The following NOVA1 variants were observed in gnomAD, a reference collection of about 807,000 sequenced individuals.
NOVA1 encodes the protein RNA-binding protein Nova-1.
Under a neutral mutation model 38.0 loss-of-function variants are expected in NOVA1, and 7 were observed. That is an observed-to-expected ratio of 0.18 (90% CI 0.10 to 0.35). The LOEUF is 0.35. NOVA1 is among the 10% of genes least tolerant of loss of function. The pLI is 1.00. For missense variants in NOVA1, 460 were observed against 616.0 expected, an observed-to-expected ratio of 0.75 and a Z score of 2.68; for synonymous variants, 270 against 232.5, an observed-to-expected ratio of 1.16 and a Z score of -1.47.
At chr14:26,561,678 CA>C (rs1891836565) in intron 2 of NOVA1, among the ~76,000 whole-genome samples, 1 of 152,058 alleles carries the variant, frequency 6.6e-6, no homozygotes, top group African/African-American at 2.4e-5. Context: ...TAAAATGACA[CA>C]AATTATAACT....
intron 2 of NOVA1, among the ~76,000 whole-genome samples, chr14:26,555,118 A>G (rs1008267473): frequency 6.6e-6 from 1 of 152,110 alleles, no homozygotes; most frequent in Non-Finnish European, 1.5e-5. Flanking sequence ...CTTGTTTTAT[A>G]GGAACACTTT....
chr14:26,487,692 T>C (rs1434177055), intron 2 of NOVA1, among the ~76,000 whole-genome samples: 1 of 152,152 alleles, frequency 6.6e-6, no homozygotes, highest in Non-Finnish European at 1.5e-5. Context: ...ATCGCATATG[T>C]TTCAGTTGAT....
intron 2 of NOVA1, among the ~76,000 whole-genome samples, chr14:26,590,674 T>C (rs1566564661): frequency 6.6e-6 from 1 of 151,954 alleles, no homozygotes; most frequent in East Asian, 1.9e-4. Context: ...CAGATCATTT[T>C]TCCTCTTGCT....
intron 2 of NOVA1, among the ~76,000 whole-genome samples, chr14:26,533,371 A>T (rs1889856490): frequency 6.6e-6 from 1 of 152,178 alleles, no homozygotes; most frequent in Non-Finnish European, 1.5e-5. Flanking sequence ...CCTTCAGTAA[A>T]GCCCTCCCTA....
intron 2 of NOVA1, among the ~76,000 whole-genome samples, chr14:26,480,564 C>G (rs188131567): frequency 2.0e-5 from 3 of 152,020 alleles, no homozygotes; most frequent in Admixed American, 2.0e-4. Flanking sequence ...ACATTACAGT[C>G]TGAAAATAAT....
At position 26,571,095 on chromosome 14, in the gene NOVA1, G is replaced by C. The variant is rs1892444999; in HGVS notation, c.280+24315C>G. Among the ~76,000 whole-genome samples, 4 of 151,632 alleles carry C rather than the reference G, an allele frequency of 2.6e-5. No homozygotes were observed. The South Asian group carries it at 8.3e-4, about 32-fold the overall frequency. On this transcript the variant is annotated intron_variant, in intron 2 of 4. Coordinates refer to ENST00000539517, the MANE Select transcript of NOVA1 (RefSeq NM_002515.3). ...TGGTGATGTGTTACTTTGGTTTACA[G>C]GTTAAATAATATGGATTAAAATATT...
intron 3 of NOVA1, among the ~76,000 whole-genome samples, chr14:26,477,017 G>A (rs7147333): frequency 0.01 from 1,595 of 152,178 alleles, 82 homozygotes; most frequent in African/African-American, 0.037. Flanking sequence ...GCCTGGCCAC[G>A]CCTCTGAATT....
chr14:26,546,169 A>G lies in NOVA1; in HGVS notation c.280+49241T>C, dbSNP rs557378543. ...CATTTAAATTCAAATTCCATATATT[A>G]GTCTAGGAATATAAATTATATTTTG... On this transcript the variant is annotated intron_variant, in intron 2 of 4. Transcript: ENST00000539517. Among the ~76,000 whole-genome samples, 45 of 152,200 alleles carry G rather than the reference A, an allele frequency of 3.0e-4. 2 individuals are homozygous for G. In the South Asian group the frequency reaches 8.7e-3, roughly 29 times the overall value.
intron 4 of NOVA1, among the ~76,000 whole-genome samples, chr14:26,467,883 T>G (rs895042511): frequency 9.9e-5 from 15 of 152,074 alleles, no homozygotes; most frequent in African/African-American, 3.4e-4. Context: ...CGGGAGAGAA[T>G]AAGAAGCAAG....
At chr14:26,538,147 T>C (rs1364033586) in intron 2 of NOVA1, among the ~76,000 whole-genome samples, 1 of 152,100 alleles carries the variant, frequency 6.6e-6, no homozygotes, top group African/African-American at 2.4e-5. Context: ...TAATAAGGCC[T>C]TTCAAATCAA....
At chr14:26,585,361 A>ATTTT (rs1210123870) in intron 2 of NOVA1, among the ~76,000 whole-genome samples, 3 of 151,280 alleles carry the variant, frequency 2.0e-5, no homozygotes, top group Non-Finnish European at 4.4e-5. Flanking sequence ...GGTATTTTTT[A>ATTTT]TTTTTCTTGG....
intron 2 of NOVA1, among the ~76,000 whole-genome samples, chr14:26,489,058 G>A (rs2092371971): frequency 6.6e-6 from 1 of 151,976 alleles, no homozygotes; most frequent in African/African-American, 2.4e-5. Context: ...GCATTGCAAT[G>A]GACATGCAGC....
chr14:26,504,146 G>A (rs1411146884), intron 2 of NOVA1, among the ~76,000 whole-genome samples: 3 of 152,004 alleles, frequency 2.0e-5, no homozygotes, highest in African/African-American at 7.3e-5. Context: ...AGTACCATTC[G>A]CTTGTAGAAT....
chr14:26,497,477 G>A (rs1886907653), intron 2 of NOVA1, among the ~76,000 whole-genome samples: 1 of 152,096 alleles, frequency 6.6e-6, no homozygotes, highest in African/African-American at 2.4e-5. Flanking sequence ...AATGGCCTGA[G>A]GTAAAGCAAA....
At chr14:26,480,574 T>C (rs1181385973) in intron 2 of NOVA1, among the ~76,000 whole-genome samples, 3 of 151,946 alleles carry the variant, frequency 2.0e-5, no homozygotes, top group Non-Finnish European at 4.4e-5. Context: ...CTGAAAATAA[T>C]GGTGGTAACA....
At chr14:26,526,266 T>C (rs902384655) in intron 2 of NOVA1, among the ~76,000 whole-genome samples, 4 of 152,206 alleles carry the variant, frequency 2.6e-5, no homozygotes, top group Admixed American at 2.6e-4. Context: ...GTGTAATTTA[T>C]TGATGACTAA....
At chr14:26,462,763 C>T (rs962984719) in intron 4 of NOVA1, among the ~76,000 whole-genome samples, 9 of 152,142 alleles carry the variant, frequency 5.9e-5, no homozygotes, top group East Asian at 1.9e-4. Flanking sequence ...GAAATCAAGA[C>T]GCCAAGTAGC....
At chr14:26,523,247 G>A (rs182137595) in intron 2 of NOVA1, among the ~76,000 whole-genome samples, 53 of 152,290 alleles carry the variant, frequency 3.5e-4, no homozygotes, top group African/African-American at 1.2e-3. Context: ...AAATGCTTCT[G>A]ACCATTGCTT....
chr14:26,451,387 A>G (rs1882661427), intron 4 of NOVA1, among the ~76,000 whole-genome samples: 1 of 151,940 alleles, frequency 6.6e-6, no homozygotes, highest in African/African-American at 2.4e-5. Flanking sequence ...TATTTTTGAG[A>G]GACGGAGTCT....
Sources: allele counts gnomAD v4.1 joint callset (sites outside exome capture counted in the v4.1 genomes callset), GRCh38; gene constraint gnomAD v4.1.1; transcripts MANE v1.5; gene names NCBI Gene and HGNC (gene_info 2026-07-23, HGNC 2026-07-21).